TBK1: variants seen among roughly 807,000 people sequenced by gnomAD.
The protein encoded by TBK1 is serine/threonine-protein kinase TBK1.
Under a neutral mutation model 99.9 loss-of-function variants are expected in TBK1, and 37 were observed. That is an observed-to-expected ratio of 0.37 (90% CI 0.28 to 0.49). TBK1 has a LOEUF of 0.49. Among genes scored for constraint, TBK1 ranks in the 20% least tolerant of loss-of-function variants. The pLI is 0.98. For missense variants in TBK1, 644 were observed against 872.5 expected (o/e 0.74, Z 3.30); for synonymous variants, 258 against 279.8 (o/e 0.92, Z 0.78).
At chr12:64,486,156 C>A in intron 11 of TBK1, 139 bp downstream of exon 11, 1 of 524,674 alleles carries the variant, frequency 1.9e-6, no homozygotes, top group Non-Finnish European at 3.3e-6. Context: ...GTTTATAAAA[C>A]ATTTAGCAGC....
intron 3 of TBK1, among the ~76,000 whole-genome samples, chr12:64,463,379 CAA>C (rs113080890): frequency 2.7e-4 from 30 of 111,418 alleles, no homozygotes; most frequent in Admixed American, 3.8e-4. Flanking sequence ...GACTTTGTCT[CAA>C]AAAAAAAAAA....
chr12:64,486,564 A>T (rs1484314006), intron 11 of TBK1, among the ~76,000 whole-genome samples: 1 of 151,400 alleles, frequency 6.6e-6, no homozygotes, highest in Non-Finnish European at 1.5e-5. Context: ...CTTCCCAAGT[A>T]CCTGGGACTA....
intron 10 of TBK1, 59 bp downstream of exon 10, chr12:64,485,572 T>C: frequency 1.2e-6 from 1 of 862,654 alleles, no homozygotes; most frequent in Non-Finnish European, 1.8e-6. Flanking sequence ...CTATCAATAG[T>C]GGAAGCAATA....
At chr12:64,498,179 T>G in intron 20 of TBK1, 140 bp downstream of exon 20, 1 of 661,778 alleles carries the variant, frequency 1.5e-6, no homozygotes, top group South Asian at 1.9e-5. Context: ...TCTCTATGAT[T>G]GTGTATCTGT....
chr12:64,456,083 A>T (rs918408623), intron 2 of TBK1, 126 bp downstream of exon 2: 1 of 742,758 alleles, frequency 1.3e-6, no homozygotes, highest in East Asian at 2.7e-5. Context: ...TGTTTTAATG[A>T]TTTTCGTGGT....
chr12:64,476,341 G>A (rs1026567583), intron 6 of TBK1, among the ~76,000 whole-genome samples: 1 of 151,270 alleles, frequency 6.6e-6, no homozygotes, highest in Non-Finnish European at 1.5e-5. Context: ...GTATTTTTTA[G>A]TAGAGACGGG....
chr12:64,487,366 C>T (rs2040829915), intron 11 of TBK1, among the ~76,000 whole-genome samples: 1 of 152,188 alleles, frequency 6.6e-6, no homozygotes, highest in South Asian at 2.1e-4. Context: ...CTACCTCATA[C>T]CCACCCCGTC....
At chr12:64,453,321 A>G (rs139891355) in intron 1 of TBK1, among the ~76,000 whole-genome samples, 1 of 152,370 alleles carries the variant, frequency 6.6e-6, no homozygotes, top group African/African-American at 2.4e-5. Context: ...ACATACATAT[A>G]GGTACCTAAT....
At chr12:64,481,794 A>G in intron 7 of TBK1, 48 bp from the exon 8 acceptor site, 1 of 1,290,060 alleles carries the variant, frequency 7.8e-7, no homozygotes, top group Non-Finnish European at 1.0e-6. Flanking sequence ...TAACCTAGAC[A>G]GAATATGATA....
intron 6 of TBK1, among the ~76,000 whole-genome samples, chr12:64,479,408 A>G (rs765828271): frequency 2.0e-5 from 3 of 152,210 alleles, no homozygotes; most frequent in Non-Finnish European, 4.4e-5. Context: ...GGAAGCAGCA[A>G]ATGGTCTAAA....
chr12:64,453,860 A>G (rs1191981731), intron 1 of TBK1, among the ~76,000 whole-genome samples: 1 of 152,226 alleles, frequency 6.6e-6, no homozygotes, highest in Non-Finnish European at 1.5e-5. Flanking sequence ...AATACAGGCT[A>G]CTTGGTACGT....
Position 64,464,472 on chromosome 12 carries a change from GTTTA to G in TBK1, c.358+15_358+18del. 6.4e-7 allele frequency: 1 copy of G among 1,556,110 alleles called. No individual in the cohort carries two copies. Among genetic ancestry groups the G allele is most frequent in the South Asian group, 1.2e-5 (1 of 81,252 alleles). ...TGTTTTGCGAGATGTGGGTATGTTT[GTTTA>G]TTTATATGATATCATTTGTATATAA... On this transcript the variant is annotated intron_variant, in intron 4 of 20. Transcript: ENST00000331710.
In TBK1 at chr12:64,495,472, GTT is replaced by G. The variant is rs759141022; in HGVS notation, c.1522-8_1522-7del. The G allele has an allele frequency of 6.8e-6, 11 of 1,612,348 alleles. No homozygotes were observed. Among genetic ancestry groups the G allele is most frequent in the Non-Finnish European group, 6.8e-6 (8 of 1,179,440 alleles). Reference sequence around the variant, plus strand: ...TTGGCAATCTGGATCTGAACCTTTGGTTTTATTTAGCTTTCCAGTTCTCAGGG... The same window carrying G: ...TTGGCAATCTGGATCTGAACCTTTGGTTATTTAGCTTTCCAGTTCTCAGGG... On this transcript the variant is annotated splice_polypyrimidine_tract_variant and intron_variant, in intron 13 of 20. Coordinates refer to ENST00000331710, the MANE Select transcript of TBK1 (RefSeq NM_013254.4).
chr12:64,466,727 C>T (rs1049083543), intron 4 of TBK1, among the ~76,000 whole-genome samples, 174 bp from the exon 5 acceptor site: 1 of 149,084 alleles, frequency 6.7e-6, no homozygotes, highest in Non-Finnish European at 1.5e-5. Flanking sequence ...ATAACTAAAA[C>T]ATAACATCTT....
chr12:64,484,602 A>C, intron 9 of TBK1, 103 bp downstream of exon 9: 11 of 1,117,176 alleles, frequency 9.8e-6, no homozygotes, highest in Non-Finnish European at 1.2e-5. Flanking sequence ...TAAAACAAAA[A>C]TTAGTGGGGC....
intron 13 of TBK1, among the ~76,000 whole-genome samples, chr12:64,494,543 G>C (rs925371714): frequency 6.6e-6 from 1 of 152,000 alleles, no homozygotes; most frequent in African/African-American, 2.4e-5. Flanking sequence ...AATAAGTTGG[G>C]AAAATGTGAT....
At chr12:64,476,010 C>T (rs1361766909) in intron 6 of TBK1, among the ~76,000 whole-genome samples, 1 of 152,114 alleles carries the variant, frequency 6.6e-6, no homozygotes, top group East Asian at 1.9e-4. Context: ...TTCTCCACAA[C>T]CTCACCAGCA....
intron 7 of TBK1, among the ~76,000 whole-genome samples, chr12:64,481,633 A>G (rs1165635495): frequency 6.6e-6 from 1 of 152,208 alleles, no homozygotes; most frequent in East Asian, 1.9e-4. Context: ...TCTAGAAGAA[A>G]AAAAGCTATA....
chr12:64,485,414 A>G, intron 9 of TBK1, 41 bp from the exon 10 acceptor site: 1 of 1,119,842 alleles, frequency 8.9e-7, no homozygotes, highest in Non-Finnish European at 1.3e-6. Context: ...TGATTTTTTC[A>G]AAAAGTTTTC....
Sources: allele counts gnomAD v4.1 joint callset (sites outside exome capture counted in the v4.1 genomes callset), GRCh38; gene constraint gnomAD v4.1.1; transcripts MANE v1.5; gene names NCBI Gene and HGNC (gene_info 2026-07-23, HGNC 2026-07-21).